Variants in RNF157 observed in about 807,000 individuals in gnomAD.
The protein encoded by RNF157 is E3 ubiquitin ligase RNF157.
In RNF157, 55 loss-of-function variants were observed where a neutral mutation model predicts 88.3. The ratio of observed to expected loss-of-function variants is 0.62; its 90% CI spans 0.50 to 0.78. RNF157 has a LOEUF of 0.78. RNF157 is among the 30% of genes least tolerant of loss of function. The probability of loss-of-function intolerance (pLI) is 0.00; values close to 1 mark genes in which losing one functional copy is unlikely to be tolerated. For missense variants in RNF157, 788 were observed against 860.8 expected, an observed-to-expected ratio of 0.92 and a Z score of 1.06; for synonymous variants, 334 against 341.2, an observed-to-expected ratio of 0.98 and a Z score of 0.23.
At chr17:76,156,187 G>A (rs777008889) in intron 14 of RNF157, 23 bp downstream of exon 14, 1 of 1,575,492 alleles carries the variant, frequency 6.3e-7, no homozygotes, top group Non-Finnish European at 8.7e-7. Flanking sequence ...AGGACATGCA[G>A]CCACTCCCCG....
chr17:76,197,000 T>C (rs2069488658), intron 2 of RNF157, among the ~76,000 whole-genome samples: 1 of 152,200 alleles, frequency 6.6e-6, no homozygotes, highest in East Asian at 1.9e-4. Flanking sequence ...ATTCCCTCAA[T>C]AAACAGCTTT....
Position 76,162,576 on chromosome 17 carries a change from G to A in RNF157, c.768C>T (p.Asn256=). 2 of 1,613,224 alleles carry A rather than the reference G, an allele frequency of 1.2e-6. No homozygotes were observed. Among genetic ancestry groups the A allele is most frequent in the Middle Eastern group, 1.7e-4 (1 of 6,060 alleles). Residue 256 remains asparagine (N), a synonymous_variant, in exon 9 of 19, where the codon AAC becomes AAT. Coordinates refer to ENST00000269391, the MANE Select transcript of RNF157 (RefSeq NM_052916.3). ...CCTTAGAATCTTGTGTGTTGTACTT[G>A]TTTTCAATTCCATAGATCTCCTGAA... is the stretch of plus-strand genomic sequence containing the variant. The part of the protein sequence containing the change: ...YLLQEIYGIE[N]KYNTQDSKVA...
chr17:76,160,838 A>AT lies in RNF157; in HGVS notation c.1065+696dup, dbSNP rs201021077. On this transcript the variant is annotated intron_variant, in intron 11 of 18. Transcript: ENST00000269391. This position sits in a 1 kb window ranked among gnomAD's most constrained non-coding sequence, Gnocchi z 4.3. The stretch of plus-strand genomic sequence containing the variant: ...AATAATCATCTATAATTTATTCTAG[A>AT]TTTTGAATGTTTTGCTTGGTTTGCT... Among the ~76,000 whole-genome samples, 833 of 152,156 alleles carry AT rather than the reference A, an allele frequency of 5.5e-3. 1 individual carries two copies. The highest frequency in any genetic ancestry group is 8.1e-3 in the Non-Finnish European group (549 of 67,940).
intron 2 of RNF157, among the ~76,000 whole-genome samples, chr17:76,179,069 A>C (rs1188844843): frequency 6.6e-6 from 1 of 152,224 alleles, no homozygotes; most frequent in Non-Finnish European, 1.5e-5. Context: ...TCCTCAATAC[A>C]TGCACCATTA....
At chr17:76,167,538 A>G (rs994380079) in intron 4 of RNF157, 113 bp downstream of exon 4, 1 of 1,461,452 alleles carries the variant, frequency 6.8e-7, no homozygotes, top group Non-Finnish European at 9.4e-7. Flanking sequence ...CTATCTGGGA[A>G]GGAAGTGGCT....
chr17:76,202,820 A>G (rs1433252479), intron 2 of RNF157: 1 of 153,010 alleles, frequency 6.5e-6, no homozygotes, highest in African/African-American at 2.4e-5. Context: ...TAGGGTAGAA[A>G]GTCTGCACCA....
At chr17:76,188,251 C>T (rs1291410046) in intron 2 of RNF157, among the ~76,000 whole-genome samples, 1 of 152,170 alleles carries the variant, frequency 6.6e-6, no homozygotes, top group Non-Finnish European at 1.5e-5. Flanking sequence ...CTGCATCCCA[C>T]GGCCTCCTAC....
rs777729624 is a variant in RNF157 at position 76,159,414 on chromosome 17, G to C, written c.1225C>G (p.Pro409Ala). 3 of 1,613,074 alleles carry C rather than the reference G, an allele frequency of 1.9e-6. No homozygotes were observed. The highest frequency in any genetic ancestry group is 2.5e-6 in the Non-Finnish European group (3 of 1,179,746). ...TCAAGAGGCGAGATCGTCCTGACGG[G>C]GGGCAGGTGGCCATCACTGCCATAT... ...PSYGSDGHLP[P>A]VRTISPLDRL... The change falls in exon 12 of 19, where the codon CCC becomes GCC. Residue 409 changes from proline to alanine, a missense_variant. Pro to Ala is a conservative substitution (Grantham distance 27, BLOSUM62 -1). Transcript: ENST00000269391.
intron 1 of RNF157, among the ~76,000 whole-genome samples, chr17:76,235,430 C>T (rs1450246192): frequency 6.6e-6 from 1 of 152,150 alleles, no homozygotes; most frequent in East Asian, 1.9e-4. Context: ...GATCTCCTGA[C>T]CTCGTGATCT....
chr17:76,226,644 T>A, intron 1 of RNF157: 1 of 1,612,744 alleles, frequency 6.2e-7, no homozygotes, highest in South Asian at 1.1e-5. Context: ...GAGCCCGCCT[T>A]AGCCTTGTCG....
In RNF157 at chr17:76,230,874, G is replaced by GAA. The variant is rs1568079655; in HGVS notation, c.88+9278_88+9279insTT. Among the ~76,000 whole-genome samples the GAA allele has an allele frequency of 1.1e-4, 12 of 104,532 alleles. No homozygotes were observed. In the South Asian group the frequency reaches 3.5e-3, roughly 30 times the overall value. 68.6% of individuals were successfully genotyped at this position (104,532 alleles called of 152,430 possible). On this transcript the variant is annotated intron_variant, in intron 1 of 18. Coordinates refer to ENST00000269391, the MANE Select transcript of RNF157 (RefSeq NM_052916.3). Reference sequence around the variant, plus strand: ...AAAAAAAAAAAGAGAGAGAGAGAGAGAGAGAAAGAGAAAGAGAGAAAGAGA... The same window carrying GAA: ...AAAAAAAAAAAGAGAGAGAGAGAGAGAAAGAGAAAGAGAAAGAGAGAAAGAGA...
intron 18 of RNF157, chr17:76,147,635 G>A (rs374224492): frequency 1.3e-5 from 2 of 152,254 alleles, no homozygotes; most frequent in South Asian, 2.1e-4. Context: ...GGCAGCAAGC[G>A]GGGGGCACCT....
intron 2 of RNF157, among the ~76,000 whole-genome samples, chr17:76,199,227 C>T (rs1179259239): frequency 6.6e-6 from 1 of 152,254 alleles, no homozygotes; most frequent in Non-Finnish European, 1.5e-5. Flanking sequence ...AAAACATGAA[C>T]AAAGAAGAAA....
intron 18 of RNF157, among the ~76,000 whole-genome samples, chr17:76,151,979 C>A (rs72868709): frequency 4.3e-4 from 65 of 152,334 alleles, no homozygotes; most frequent in Non-Finnish European, 7.8e-4. Flanking sequence ...CGCAGGCAAT[C>A]CTTCCAAGAC....
At position 76,161,880 on chromosome 17, in the gene RNF157, C is replaced by T. The variant is rs1251725616; in HGVS notation, c.915G>A (p.Leu305=). Reference sequence around the variant, plus strand: ...TGGGGCAGTTGTTGGCCTGGTAGCGCAGCGTGTCTGCACAGGTGTTACAGA... The same window carrying T: ...TGGGGCAGTTGTTGGCCTGGTAGCGTAGCGTGTCTGCACAGGTGTTACAGA... The part of the protein sequence containing the change: ...LCLCNTCADT[L]RYQANNCPIC... Residue 305 remains leucine (L), a synonymous_variant, in exon 10 of 19, where the codon CTG becomes CTA. Transcript: ENST00000269391. This position sits in a 1 kb window ranked among gnomAD's most constrained non-coding sequence, Gnocchi z 4.6. 6.2e-7 allele frequency: 1 copy of T among 1,614,150 alleles called. No individual in the cohort carries two copies. The highest frequency in any genetic ancestry group is 2.2e-5 in the East Asian group (1 of 44,892).
intron 2 of RNF157, chr17:76,175,785 C>G: frequency 1.0e-6 from 1 of 985,174 alleles, no homozygotes; most frequent in Non-Finnish European, 1.2e-6. Flanking sequence ...TTCCCTTATT[C>G]TTTACTCTTT....
Position 76,161,035 on chromosome 17 carries a change from G to A in RNF157, c.1065+500C>T, listed in dbSNP as rs2068837795. Among the ~76,000 whole-genome samples, 2 of 152,112 alleles carry A rather than the reference G, an allele frequency of 1.3e-5. No individual in the cohort carries two copies. Among genetic ancestry groups the A allele is most frequent in the Admixed American group, 1.3e-4 (2 of 15,274 alleles). On this transcript the variant is annotated intron_variant, in intron 11 of 18. Coordinates refer to ENST00000269391, the MANE Select transcript of RNF157 (RefSeq NM_052916.3). The surrounding 1 kb of genome is among the most constrained non-coding windows in gnomAD (Gnocchi z 4.6). ...TCTCCCAGCAGTGCGTTAGTCTAAA[G>A]AAAGACAGTATCTGCTGCTCTCTAA...
chr17:76,199,570 T>TAAAAAA (rs34151599), intron 2 of RNF157, among the ~76,000 whole-genome samples: 5 of 110,980 alleles, frequency 4.5e-5, no homozygotes, highest in Non-Finnish European at 7.6e-5. Flanking sequence ...AGCTGAAAGT[T>TAAAAAA]AAAAAAAAAA....
intron 1 of RNF157, chr17:76,226,790 A>C: frequency 6.4e-7 from 1 of 1,561,546 alleles, no homozygotes; most frequent in Non-Finnish European, 8.7e-7. Context: ...GTTGCTCAGG[A>C]AGCTCATTTC....
Sources: allele counts gnomAD v4.1 joint callset (sites outside exome capture counted in the v4.1 genomes callset), GRCh38; gene constraint gnomAD v4.1.1; non-coding constraint Gnocchi (gnomAD v3.1); transcripts MANE v1.5; gene names NCBI Gene and HGNC (gene_info 2026-07-23, HGNC 2026-07-21).